PPP6R1: variants seen among roughly 807,000 people sequenced by gnomAD.
PPP6R1 encodes the protein serine/threonine-protein phosphatase 6 regulatory subunit 1.
A neutral mutation model predicts 104.6 loss-of-function variants in PPP6R1; 39 were observed. That is an observed-to-expected ratio of 0.37 (90% CI 0.29 to 0.49). The LOEUF (loss-of-function observed/expected upper bound fraction) is 0.49. Among genes scored for constraint, PPP6R1 ranks in the 20% least tolerant of loss-of-function variants. The pLI, the probability that PPP6R1 is intolerant of heterozygous loss-of-function variation, is 0.98. For missense variants in PPP6R1, 1,181 were observed against 1,155.8 expected, an observed-to-expected ratio of 1.02 and a Z score of -0.32; for synonymous variants, 549 against 479.0, an observed-to-expected ratio of 1.15 and a Z score of -1.91.
chr19:55,254,287 C>T (rs577866448), intron 1 of PPP6R1, among the ~76,000 whole-genome samples: 62 of 152,288 alleles, frequency 4.1e-4, no homozygotes, highest in Non-Finnish European at 7.4e-4. Flanking sequence ...TGGCTGCAAA[C>T]GGAAGAAGGG....
At chr19:55,236,213 G>GTAGATCTCGGTGGTCGCC in intron 17 of PPP6R1, 1 of 165,894 alleles carries the variant, frequency 6.0e-6, no homozygotes, top group South Asian at 1.7e-4. Flanking sequence ...GGAGTGCAGT[G>GTAGATCTCGGTGGTCGCC]GTATGATCTC....
At position 55,245,735 on chromosome 19, in the gene PPP6R1, G is replaced by A. The variant is rs1223439580; in HGVS notation, c.228-57C>T. 2.9e-5 allele frequency: 40 copies of A among 1,378,354 alleles called. No homozygotes were observed. Among genetic ancestry groups the A allele is most frequent in the Middle Eastern group, 2.5e-4 (1 of 3,984 alleles). 85.4% of individuals were successfully genotyped at this position (1,378,354 alleles called of 1,614,324 possible). ...GGGTCGGAGGCCGGGGGCAGGGGGC[G>A]GCAAGGCTCCACCCTCTTCTCTGCA... On this transcript the variant is annotated intron_variant, in intron 2 of 23. Transcript: ENST00000412770. The surrounding 1 kb of genome is among the most constrained non-coding windows in gnomAD (Gnocchi z 6.4).
chr19:55,236,970 G>A lies in PPP6R1; in HGVS notation c.1752C>T (p.Asn584=), dbSNP rs61743087. The stretch of plus-strand genomic sequence containing the variant: ...TGTTGGCTGTCTTGTCAAAAGGTGC[G>A]CTAGGAGAGAAGGCAAGGCATGGTG... The part of the protein sequence containing the change: ...EEFGEQEESV[N]APFDKTANIT... The change falls in exon 16 of 24, where the codon AAC becomes AAT. Residue 584 remains asparagine, a splice_region_variant and synonymous_variant. Coordinates refer to ENST00000412770, the MANE Select transcript of PPP6R1 (RefSeq NM_014931.4). The A allele has an allele frequency of 2.1e-4, 346 of 1,610,530 alleles. No individual in the cohort carries two copies. In the African/African-American group the frequency reaches 3.3e-3, roughly 15 times the overall value.
rs1193718308 is a variant in PPP6R1, at chr19:55,236,807, T to G, written c.1824A>C (p.Leu608=). The G allele has an allele frequency of 1.2e-6, 2 of 1,613,864 alleles. No individual in the cohort carries two copies. The highest frequency in any genetic ancestry group is 3.3e-5 in the Admixed American group (2 of 60,020). ...TGCGGTCCTTGTAGCATATCTCAAGTAGGTTGGCGTTGGGCTGCAGGGCAC... is the reference window on the plus strand; with the variant it reads ...TGCGGTCCTTGTAGCATATCTCAAGGAGGTTGGCGTTGGGCTGCAGGGCAC... ...NADDENPNAN[L]LEICYKDRIQ... Residue 608 remains leucine, a synonymous_variant, in exon 17 of 24, where the codon CTA becomes CTC. Coordinates refer to ENST00000412770, the MANE Select transcript of PPP6R1 (RefSeq NM_014931.4).
At chr19:55,232,617 AG>A (rs1188668381) in intron 17 of PPP6R1, 5 of 75,680 alleles carry the variant, frequency 6.6e-5, no homozygotes, top group East Asian at 1.5e-3. Flanking sequence ...CCCTCTGGAC[AG>A]AGGCTTCACA....
intron 17 of PPP6R1, among the ~76,000 whole-genome samples, chr19:55,233,549 A>AAGTT (rs1254343756): frequency 1.3e-5 from 2 of 152,218 alleles, no homozygotes; most frequent in South Asian, 4.1e-4. Context: ...AGAAAATCCT[A>AAGTT]AGGAGTCCAC....
At chr19:55,254,282 G>A (rs937149606) in intron 1 of PPP6R1, among the ~76,000 whole-genome samples, 5 of 152,240 alleles carry the variant, frequency 3.3e-5, no homozygotes, top group Non-Finnish European at 5.9e-5. Flanking sequence ...GAGTCTGGCT[G>A]CAAACGGAAG....
chr19:55,239,534 A>G, intron 14 of PPP6R1, 32 bp from the exon 15 acceptor site: 1 of 1,611,460 alleles, frequency 6.2e-7, no homozygotes, highest in Non-Finnish European at 8.5e-7. Flanking sequence ...GGCTGGAGGG[A>G]GTTGGGCAGG....
chr19:55,240,859 G>A, intron 10 of PPP6R1, 86 bp downstream of exon 10: 4 of 1,502,216 alleles, frequency 2.7e-6, no homozygotes, highest in Non-Finnish European at 3.6e-6. Context: ...ACTTGTGGGA[G>A]GAAGGAGTGA....
chr19:55,254,332 G>A (rs1019821948), intron 1 of PPP6R1, among the ~76,000 whole-genome samples: 5 of 152,190 alleles, frequency 3.3e-5, no homozygotes, highest in Admixed American at 2.6e-4. Context: ...CATTAAAAAC[G>A]AAAACTACCT....
chr19:55,257,357 C>T (rs1217293507), intron 1 of PPP6R1, among the ~76,000 whole-genome samples: 1 of 152,248 alleles, frequency 6.6e-6, no homozygotes, highest in Non-Finnish European at 1.5e-5. Context: ...ACAGTCTACG[C>T]AGCTTCCTTT....
At chr19:55,236,033 T>C (rs966453105) in intron 17 of PPP6R1, among the ~76,000 whole-genome samples, 4 of 151,742 alleles carry the variant, frequency 2.6e-5, no homozygotes, top group Non-Finnish European at 5.9e-5. Flanking sequence ...TTTCGCTATG[T>C]TGCCCAGGCT....
chr19:55,241,068 G>C lies in PPP6R1; in HGVS notation c.1173C>G (p.Phe391Leu). The C allele has an allele frequency of 1.3e-6, 2 of 1,552,124 alleles. No individual in the cohort carries two copies. The highest frequency in any genetic ancestry group is 1.8e-4 in the Middle Eastern group (1 of 5,654). The stretch of plus-strand genomic sequence containing the variant: ...GCAAGAAGTTGTTGAAGACATAATG[G>C]AAGAAGAGGTCCTATGGGAGGACAC... The part of the protein sequence containing the change: ...DVPNTMLDLF[F>L]HYVFNNFLHA... Residue 391 changes from phenylalanine to leucine, a missense_variant, in exon 10 of 24, where the codon TTC becomes TTG. Physicochemically the swap from Phe to Leu is conservative, Grantham distance 22. Coordinates refer to ENST00000412770, the MANE Select transcript of PPP6R1 (RefSeq NM_014931.4). This position sits in a 1 kb window ranked among gnomAD's most constrained non-coding sequence, Gnocchi z 5.4.
chr19:55,229,548 T>TGTCG (rs2087318864), downstream of PPP6R1: 1 of 152,228 alleles, frequency 6.6e-6, no homozygotes, highest in South Asian at 2.1e-4. Context: ...GATTTGAGCC[T>TGTCG]GTCGGTGGCT....
chr19:55,241,559 C>A lies in PPP6R1; in HGVS notation c.926G>T (p.Ser309Ile). The A allele has an allele frequency of 6.3e-7, 1 of 1,580,712 alleles. No homozygotes were observed. Among genetic ancestry groups the A allele is most frequent in the South Asian group, 1.2e-5 (1 of 86,522 alleles). ...LELLAQGALE[S>I]TVSSVGALHA... is the part of the protein sequence containing the mutation. ...CAAGGCGCCCACACTGGACACAGTGCTTTCCAGGGCCCCCTGGGCCAGGAG... is the reference window on the plus strand; with the variant it reads ...CAAGGCGCCCACACTGGACACAGTGATTTCCAGGGCCCCCTGGGCCAGGAG... The change falls in exon 8 of 24, where the codon AGC (serine) becomes ATC (isoleucine). Residue 309 changes from serine (S) to isoleucine (I), a missense_variant. Transcript: ENST00000412770. This position sits in a 1 kb window ranked among gnomAD's most constrained non-coding sequence, Gnocchi z 5.4.
At chr19:55,231,335 T>G in intron 21 of PPP6R1, 75 bp downstream of exon 21, 1 of 1,479,296 alleles carries the variant, frequency 6.8e-7, no homozygotes, top group South Asian at 1.2e-5. Context: ...AGGGACAAGA[T>G]GAACCCAGAG....
At chr19:55,240,514 T>TACAC (rs777717878) in intron 10 of PPP6R1, among the ~76,000 whole-genome samples, 5,668 of 135,920 alleles carry the variant, frequency 0.042, 107 homozygotes, top group Non-Finnish European at 0.05. Context: ...ATGTGGTGCA[T>TACAC]ACACACACAC....
intron 1 of PPP6R1, among the ~76,000 whole-genome samples, chr19:55,253,770 T>C (rs2087571709): frequency 1.3e-5 from 2 of 152,184 alleles, no homozygotes; most frequent in Admixed American, 1.3e-4. Flanking sequence ...TGAAGCCCTC[T>C]CAGTCCCCTC....
At position 55,241,623 on chromosome 19, in the gene PPP6R1, C is replaced by T. The variant is rs1485251651; in HGVS notation, c.862G>A (p.Val288Met). ...TCCACACTGCTGAAGAAGCTGTTCA[C>T]GGTCACGGACTCGGACCTGCAGCAG... ...PRRPRSESVTVNSFFSSVDGQ... is the reference protein window; with the variant it reads ...PRRPRSESVTMNSFFSSVDGQ... Residue 288 changes from valine (V) to methionine (M), a missense_variant, in exon 8 of 24, where the codon GTG becomes ATG. Physicochemically the swap from Val to Met is conservative, Grantham distance 21. Coordinates refer to ENST00000412770, the MANE Select transcript of PPP6R1 (RefSeq NM_014931.4). This position sits in a 1 kb window ranked among gnomAD's most constrained non-coding sequence, Gnocchi z 5.4. 1.8e-5 allele frequency: 28 copies of T among 1,580,608 alleles called. 1 individual carries two copies. Among genetic ancestry groups the T allele is most frequent in the East Asian group, 1.4e-4 (6 of 43,058 alleles).
Sources: gnomAD v4.1 joint callset for allele counts (sites outside exome capture counted in the v4.1 genomes callset) on GRCh38, gnomAD v4.1.1 for gene constraint, Gnocchi (gnomAD v3.1) non-coding constraint, MANE v1.5 for transcripts, NCBI Gene and HGNC (gene_info 2026-07-23, HGNC 2026-07-21) for gene names.